SLC2A11: variants seen among roughly 807,000 people sequenced by gnomAD.
SLC2A11 encodes the protein solute carrier family 2, facilitated glucose transporter member 11.
A neutral mutation model predicts 52.1 loss-of-function variants in SLC2A11; 43 were observed. The observed-to-expected ratio is 0.82, with a 90% confidence interval of 0.65 to 1.06. The LOEUF is 1.06. SLC2A11 is among the 50% of genes least tolerant of loss of function. SLC2A11 has a pLI of 0.00. For missense variants in SLC2A11, 582 were observed against 654.2 expected (o/e 0.89, Z 1.20); for synonymous variants, 261 against 277.6 (o/e 0.94, Z 0.59).
intron 3 of SLC2A11, chr22:23,869,954 C>T (rs1373924677): frequency 4.2e-6 from 3 of 717,044 alleles, no homozygotes; most frequent in African/African-American, 3.5e-5. Flanking sequence ...TTTTATAAAG[C>T]ACTAGTCCCA....
intron 2 of SLC2A11, among the ~76,000 whole-genome samples, chr22:23,863,607 GGTT>G (rs2032153034): frequency 3.5e-5 from 4 of 113,202 alleles, no homozygotes; most frequent in South Asian, 6.0e-4. Flanking sequence ...CTCTCTCTCT[GGTT>G]TTTTTTTTTT....
Position 23,858,030 on chromosome 22 carries a change from G to T in SLC2A11, c.30+1G>T, listed in dbSNP as rs762011114. On this transcript the variant is annotated splice_donor_variant, in intron 1 of 11. Coordinates refer to ENST00000316185, the MANE Select transcript of SLC2A11 (RefSeq NM_001024939.4). LOFTEE classifies it high-confidence loss of function. ...CCACGCCCTCCTGCGATCTAGAATG[G>T]TATGAATTCTCATACTTGCCCAGAC... The T allele has an allele frequency of 6.4e-7, 1 of 1,564,622 alleles. No individual in the cohort carries two copies. Among genetic ancestry groups the T allele is most frequent in the South Asian group, 1.2e-5 (1 of 84,872 alleles).
chr22:23,877,429 T>C (rs1163333525), intron 5 of SLC2A11: 7 of 783,692 alleles, frequency 8.9e-6, no homozygotes, highest in Non-Finnish European at 1.3e-5. Flanking sequence ...AGGGTGAAGA[T>C]TTGGGCTTTC....
chr22:23,877,874 G>A lies in SLC2A11; in HGVS notation c.694+5G>A. The stretch of plus-strand genomic sequence containing the variant: ...ACACCGAGGCCTGCCTGGCAGGTGA[G>A]TCTCTGTCCTTGGGCTCCCAGACTG... On this transcript the variant is annotated splice_donor_5th_base_variant and intron_variant, in intron 6 of 11. Transcript: ENST00000316185. The A allele has an allele frequency of 6.2e-7, 1 of 1,607,536 alleles. No individual in the cohort carries two copies. The highest frequency in any genetic ancestry group is 8.5e-7 in the Non-Finnish European group (1 of 1,176,814).
intron 2 of SLC2A11, among the ~76,000 whole-genome samples, chr22:23,864,388 C>G (rs2032185581): frequency 6.6e-6 from 1 of 152,198 alleles, no homozygotes. Flanking sequence ...ATGGCGTGAT[C>G]TTGGCTCACT....
chr22:23,867,412 G>T (rs1882394665), intron 2 of SLC2A11: 1 of 182,120 alleles, frequency 5.5e-6, no homozygotes, highest in Non-Finnish European at 1.2e-5. Context: ...TGGCCAGGCT[G>T]GTCTTGAATT....
intron 3 of SLC2A11, 104 bp downstream of exon 3, chr22:23,868,745 C>T (rs2146117722): frequency 1.5e-6 from 2 of 1,376,720 alleles, no homozygotes; most frequent in Middle Eastern, 2.2e-4. Flanking sequence ...AGCTCCAGGC[C>T]CAGATCAGCT....
chr22:23,869,527 G>A (rs910571012), intron 3 of SLC2A11: 2 of 159,302 alleles, frequency 1.3e-5, no homozygotes, highest in Non-Finnish European at 2.7e-5. Context: ...GTGCATGCCT[G>A]TAGACTCAGC....
chr22:23,862,055 G>T (rs538952292), intron 1 of SLC2A11, 49 bp from the exon 2 acceptor site: 14 of 1,473,526 alleles, frequency 9.5e-6, no homozygotes, highest in Admixed American at 1.7e-5. Flanking sequence ...GTCCAGGGAG[G>T]GGGTGGAGGC....
intron 1 of SLC2A11, 26 bp downstream of exon 1, chr22:23,858,055 C>G: frequency 6.4e-7 from 1 of 1,553,426 alleles, no homozygotes; most frequent in Non-Finnish European, 8.7e-7. Context: ...CTTGCCCAGA[C>G]CAGGCGTTTC....
chr22:23,879,566 A>G (rs2032733413), intron 6 of SLC2A11: 1 of 152,242 alleles, frequency 6.6e-6, no homozygotes, highest in South Asian at 2.1e-4. Context: ...GTATCTGGCT[A>G]GCATGGGAGT....
intron 6 of SLC2A11, among the ~76,000 whole-genome samples, chr22:23,878,828 G>A (rs548607263): frequency 1.8e-3 from 272 of 152,250 alleles, no homozygotes; most frequent in African/African-American, 6.1e-3. Flanking sequence ...CAGATCTTAC[G>A]CCACATTAAG....
Position 23,857,998 on chromosome 22 carries a change from G to T in SLC2A11, c.-2G>T. On this transcript the variant is annotated 5_prime_UTR_variant, in exon 1 of 12. Transcript: ENST00000316185. ...AGACCTCCGCTCAGGCCCCTCTTTC[G>T]AATGCTCCACGCCCTCCTGCGATCT... 1 of 1,589,352 alleles carries T rather than the reference G, an allele frequency of 6.3e-7. No homozygotes were observed. The highest frequency in any genetic ancestry group is 1.1e-5 in the South Asian group (1 of 87,052).
chr22:23,861,046 C>T (rs1220032322), intron 1 of SLC2A11, among the ~76,000 whole-genome samples: 2 of 151,850 alleles, frequency 1.3e-5, no homozygotes, highest in African/African-American at 2.4e-5. Flanking sequence ...GGGATTTCAC[C>T]GTGTTAGCCA....
Position 23,882,758 on chromosome 22 carries a change from G to A in SLC2A11, c.883-1G>A, listed in dbSNP as rs1348567365. 1 of 1,611,506 alleles carries A rather than the reference G, an allele frequency of 6.2e-7. No homozygotes were observed. The highest frequency in any genetic ancestry group is 8.5e-7 in the Non-Finnish European group (1 of 1,178,842). ...CAGGCCTGAAAGCCACCCTCTCCCA[G>A]GTGTACGCCTACGCCTCCTCCGTGT... On this transcript the variant is annotated splice_acceptor_variant, in intron 7 of 11. Transcript: ENST00000316185. LOFTEE classifies it high-confidence loss of function.
intron 4 of SLC2A11, 119 bp from the exon 5 acceptor site, chr22:23,876,923 G>T: frequency 6.6e-7 from 1 of 1,525,680 alleles, no homozygotes; most frequent in Non-Finnish European, 8.9e-7. Context: ...TCAGCCCTCA[G>T]TGCCAGGATC....
chr22:23,881,963 C>T (rs1416145072), intron 6 of SLC2A11: 1 of 185,692 alleles, frequency 5.4e-6, no homozygotes, highest in East Asian at 1.5e-4. Context: ...AACACACACA[C>T]ACACACACAC....
rs148470395 is a variant in SLC2A11, at chr22:23,882,851, G to A, written c.975G>A (p.Leu325=). The A allele has an allele frequency of 6.2e-7, 1 of 1,612,386 alleles. No individual in the cohort carries two copies. Among genetic ancestry groups the A allele is most frequent in the Non-Finnish European group, 8.5e-7 (1 of 1,179,198 alleles). ...TCATCGGGACTGGGAGCTGCGAGCT[G>A]CTCACGGCGGTTGTTAGTGTGAGTC... ...YAIIGTGSCE[L]LTAVVSCVVI... Residue 325 remains leucine (L), a synonymous_variant, in exon 8 of 12, where the codon CTG becomes CTA. Transcript: ENST00000316185.
In SLC2A11 at chr22:23,885,196, A is replaced by T. The variant is rs569741229; in HGVS notation, c.*347A>T. 1.4e-5 allele frequency: 6 copies of T among 429,984 alleles called. No individual in the cohort carries two copies. In the South Asian group the frequency reaches 3.0e-4, roughly 22 times the overall value. 26.6% of individuals were successfully genotyped at this position (429,984 alleles called of 1,614,324 possible). ...GTGAGACCCCCTATCTCTACAAAAA[A>T]TTTTAAACATTAGCTGGGCATGGTG... On this transcript the variant is annotated 3_prime_UTR_variant, in exon 12 of 12. Transcript: ENST00000316185.
Sources: gnomAD v4.1 joint callset for allele counts (sites outside exome capture counted in the v4.1 genomes callset) on GRCh38, gnomAD v4.1.1 for gene constraint, MANE v1.5 for transcripts, NCBI Gene and HGNC (gene_info 2026-07-23, HGNC 2026-07-21) for gene names.